The following SPON1 variants were observed in gnomAD, a reference collection of about 807,000 sequenced individuals.
SPON1 encodes the protein spondin-1.
A neutral mutation model predicts 111.7 loss-of-function variants in SPON1; 52 were observed. The observed-to-expected ratio is 0.47, with a 90% confidence interval of 0.37 to 0.59. The LOEUF (loss-of-function observed/expected upper bound fraction) is 0.59, where lower values mean the gene tolerates loss of function less well. SPON1 is among the 20% of genes least tolerant of loss of function. SPON1 has a pLI of 0.00. For missense variants in SPON1, 957 were observed against 1,068.5 expected, an observed-to-expected ratio of 0.90 and a Z score of 1.46; for synonymous variants, 410 against 395.8, an observed-to-expected ratio of 1.04 and a Z score of -0.43.
Position 14,162,148 on chromosome 11 carries a change from ACT to A in SPON1, c.825+26583_825+26584del, listed in dbSNP as rs1847973002. Among the ~76,000 whole-genome samples the A allele has an allele frequency of 7.0e-5, 9 of 129,230 alleles. 1 individual carries two copies. In the South Asian group the frequency reaches 2.2e-3, roughly 32 times the overall value. The allele number at this position is 129,230 out of a possible 152,430, so 84.8% of individuals were successfully genotyped here. A position where few individuals can be genotyped will look rare whatever the true frequency, so the allele number is the denominator to read the frequency against. Reference sequence around the variant, plus strand: ...ACACTAGCCTGGTCAGAAAAGCAAGACTCTGTCTCAAAAAAAAAAAAAAAAGA... The same window carrying A: ...ACACTAGCCTGGTCAGAAAAGCAAGACTGTCTCAAAAAAAAAAAAAAAAGA... On this transcript the variant is annotated intron_variant, in intron 6 of 15. Coordinates refer to ENST00000576479, the MANE Select transcript of SPON1 (RefSeq NM_006108.4).
At chr11:14,170,478 G>A (rs1554932327) in intron 6 of SPON1, among the ~76,000 whole-genome samples, 1 of 151,986 alleles carries the variant, frequency 6.6e-6, no homozygotes, top group Admixed American at 6.6e-5. Flanking sequence ...CTAATTGAAT[G>A]CCTTTTATTT....
chr11:14,098,893 G>A (rs185676367), intron 5 of SPON1, among the ~76,000 whole-genome samples: 96 of 152,256 alleles, frequency 6.3e-4, no homozygotes, highest in Non-Finnish European at 1.1e-3. Context: ...AAATTCTTCA[G>A]ATCTACATGC....
chr11:14,017,909 G>A (rs880001390), intron 2 of SPON1, among the ~76,000 whole-genome samples: 1 of 152,122 alleles, frequency 6.6e-6, no homozygotes, highest in Non-Finnish European at 1.5e-5. Flanking sequence ...TTACATCTTT[G>A]TAATGTATTG....
At chr11:14,022,174 A>G (rs1380387517) in intron 2 of SPON1, among the ~76,000 whole-genome samples, 4 of 152,222 alleles carry the variant, frequency 2.6e-5, no homozygotes, top group Admixed American at 6.5e-5. Context: ...ATACTATTAA[A>G]TGCTTTGGGA....
rs550424749 is a variant in SPON1, at chr11:14,141,468, T to C, written c.825+5900T>C. Among the ~76,000 whole-genome samples, 10 of 152,334 alleles carry C rather than the reference T, an allele frequency of 6.6e-5. No homozygotes were observed. The South Asian group carries it at 2.1e-3, about 32-fold the overall frequency. ...ATTAGAAAAATCATTCCAACTTTTA[T>C]ATTTCTCTGGATTCAAGGCTTTCCT... is the stretch of plus-strand genomic sequence containing the variant. On this transcript the variant is annotated intron_variant, in intron 6 of 15. Transcript: ENST00000576479.
intron 7 of SPON1, among the ~76,000 whole-genome samples, chr11:14,250,283 TG>T (rs1393683717): frequency 8.5e-5 from 13 of 152,206 alleles, no homozygotes; most frequent in Admixed American, 4.6e-4. Flanking sequence ...GTTTCAAAGT[TG>T]AAAAAATTAA....
At chr11:14,213,620 T>C (rs1848599056) in intron 6 of SPON1, among the ~76,000 whole-genome samples, 1 of 152,202 alleles carries the variant, frequency 6.6e-6, no homozygotes, top group Non-Finnish European at 1.5e-5. Flanking sequence ...TGTACAAAGC[T>C]ATATGCTATT....
At chr11:14,142,205 T>C (rs1847664678) in intron 6 of SPON1, among the ~76,000 whole-genome samples, 1 of 152,194 alleles carries the variant, frequency 6.6e-6, no homozygotes, top group Non-Finnish European at 1.5e-5. Flanking sequence ...GATTGCTGGA[T>C]GTTAGCTATC....
rs933211041 is a variant in SPON1 at position 14,267,772 on chromosome 11, C to T, written c.*2085C>T. On this transcript the variant is annotated 3_prime_UTR_variant, in exon 16 of 16. Transcript: ENST00000576479. ...GGTGGTTTATAGTTCTTTTGGCTAACAAATCATTTTGGAAATAAAGATTTT... is the reference window on the plus strand; with the variant it reads ...GGTGGTTTATAGTTCTTTTGGCTAATAAATCATTTTGGAAATAAAGATTTT... 3.3e-5 allele frequency: 5 copies of T among 152,144 alleles called. No individual in the cohort carries two copies. The highest frequency in any genetic ancestry group is 7.2e-5 in the African/African-American group (3 of 41,410). The allele number at this position is 152,144 out of a possible 1,614,324, so 9.4% of individuals were successfully genotyped here. A position where few individuals can be genotyped will look rare whatever the true frequency, so the allele number is the denominator to read the frequency against.
At chr11:14,034,550 C>T (rs1704997947) in intron 2 of SPON1, among the ~76,000 whole-genome samples, 1 of 152,232 alleles carries the variant, frequency 6.6e-6, no homozygotes, top group African/African-American at 2.4e-5. Context: ...TAATTACCAT[C>T]TGGCAACTGA....
At chr11:14,234,935 A>G (rs1410717250) in intron 6 of SPON1, among the ~76,000 whole-genome samples, 1 of 152,206 alleles carries the variant, frequency 6.6e-6, no homozygotes, top group Non-Finnish European at 1.5e-5. Context: ...GCAGCTTGTG[A>G]TGGTGGCTGC....
At chr11:14,250,600 C>T (rs1463468084) in intron 7 of SPON1, among the ~76,000 whole-genome samples, 2 of 152,056 alleles carry the variant, frequency 1.3e-5, no homozygotes, top group African/African-American at 2.4e-5. Flanking sequence ...ATCATATACT[C>T]TGGTATATGG....
chr11:14,002,815 G>A (rs1848328986), intron 2 of SPON1, among the ~76,000 whole-genome samples: 1 of 152,012 alleles, frequency 6.6e-6, no homozygotes, highest in South Asian at 2.1e-4. Context: ...TGAGAAAGCT[G>A]GTCAGGGGTT....
intron 3 of SPON1, among the ~76,000 whole-genome samples, chr11:14,042,840 A>G (rs1554917448): frequency 6.6e-6 from 1 of 152,144 alleles, no homozygotes; most frequent in Admixed American, 6.5e-5. Flanking sequence ...AAAAAACCCC[A>G]CAGAATCTCT....
chr11:14,137,226 A>C (rs532398079), intron 6 of SPON1, among the ~76,000 whole-genome samples: 17 of 152,270 alleles, frequency 1.1e-4, no homozygotes, highest in African/African-American at 4.1e-4. Context: ...TAGCAATAAA[A>C]AGATTGAAAA....
rs147701989 is a variant in SPON1, at chr11:14,124,186, TCACA to T, written c.677-11220_677-11217del. 4.7e-5 allele frequency among the ~76,000 whole-genome samples: 7 copies of T among 150,078 alleles called. No homozygotes were observed. The East Asian group carries it at 7.8e-4, about 17-fold the overall frequency. On this transcript the variant is annotated intron_variant, in intron 5 of 15. Transcript: ENST00000576479. The stretch of plus-strand genomic sequence containing the variant: ...TCATCCAGTCTTTATACACACACAC[TCACA>T]CACACACACACACGCACACACTACC...
chr11:13,967,863 A>C (rs535339139), intron 1 of SPON1, among the ~76,000 whole-genome samples: 1 of 152,374 alleles, frequency 6.6e-6, no homozygotes, highest in South Asian at 2.1e-4. Context: ...TAGAAAATGC[A>C]AACATAGCTA....
rs1848871701 is a variant in SPON1 at position 14,071,029 on chromosome 11, A to T, written c.480-4316A>T. Among the ~76,000 whole-genome samples the T allele has an allele frequency of 2.0e-5, 3 of 152,160 alleles. No individual in the cohort carries two copies. The South Asian group carries it at 6.2e-4, about 32-fold the overall frequency. Reference sequence around the variant, plus strand: ...TGATAAGAGAGCATTCAGTATATAAATGCTATGCAACAGTACTGCCAAATT... The same window carrying T: ...TGATAAGAGAGCATTCAGTATATAATTGCTATGCAACAGTACTGCCAAATT... On this transcript the variant is annotated intron_variant, in intron 3 of 15. Transcript: ENST00000576479.
At chr11:14,196,966 CTT>C (rs1276154207) in intron 6 of SPON1, among the ~76,000 whole-genome samples, 2 of 152,190 alleles carry the variant, frequency 1.3e-5, no homozygotes, top group Admixed American at 6.5e-5. Flanking sequence ...AGGAGAATCT[CTT>C]GAACCCGGGA....
Sources: gnomAD v4.1 joint callset for allele counts (sites outside exome capture counted in the v4.1 genomes callset) on GRCh38, gnomAD v4.1.1 for gene constraint, MANE v1.5 for transcripts, NCBI Gene and HGNC (gene_info 2026-07-23, HGNC 2026-07-21) for gene names.